Variants in HS6ST3 observed in about 807,000 individuals in gnomAD.
HS6ST3 encodes the protein heparan-sulfate 6-O-sulfotransferase 3.
In HS6ST3, 12 loss-of-function variants were observed where a neutral mutation model predicts 36.7. The observed-to-expected ratio is 0.33, with a 90% confidence interval of 0.21 to 0.53. The LOEUF is 0.53. HS6ST3 is among the 20% of genes least tolerant of loss of function. The pLI is 0.95. For synonymous variants in HS6ST3, 240 were observed against 257.5 expected, an observed-to-expected ratio of 0.93 and a Z score of 0.65; for missense variants, 584 against 640.9, an observed-to-expected ratio of 0.91 and a Z score of 0.96.
intron 1 of HS6ST3, among the ~76,000 whole-genome samples, chr13:96,302,901 C>G (rs985842768): frequency 3.3e-5 from 5 of 152,144 alleles, no homozygotes; most frequent in African/African-American, 4.8e-5. Flanking sequence ...TACCATGGCC[C>G]TTAGACCTCA....
chr13:96,375,836 T>G (rs770650122), intron 1 of HS6ST3, among the ~76,000 whole-genome samples: 2 of 152,224 alleles, frequency 1.3e-5, no homozygotes, highest in Non-Finnish European at 2.9e-5. Context: ...TTGCTGTTTG[T>G]GACACTAGCA....
intron 1 of HS6ST3, among the ~76,000 whole-genome samples, chr13:96,604,575 A>T (rs1297348138): frequency 6.6e-6 from 1 of 152,206 alleles, no homozygotes; most frequent in African/African-American, 2.4e-5. Flanking sequence ...ATCAATGATA[A>T]TATAACACTT....
chr13:96,789,071 C>T (rs775118794), intron 1 of HS6ST3, among the ~76,000 whole-genome samples: 10 of 151,314 alleles, frequency 6.6e-5, no homozygotes, highest in Non-Finnish European at 1.0e-4. Context: ...TTGCTTGTTC[C>T]GTTTGTTTTA....
intron 1 of HS6ST3, among the ~76,000 whole-genome samples, chr13:96,495,418 A>C (rs2055969978): frequency 6.6e-6 from 1 of 152,148 alleles, no homozygotes. Flanking sequence ...CCTTTCCTTC[A>C]TCATTACCCC....
At chr13:96,284,930 T>G (rs541452805) in intron 1 of HS6ST3, among the ~76,000 whole-genome samples, 2,573 of 132,210 alleles carry the variant, frequency 0.019, 73 homozygotes, top group African/African-American at 0.059. Flanking sequence ...TTTCTTTCTT[T>G]CTTTCTTTCT....
chr13:96,592,171 T>G (rs1038737326), intron 1 of HS6ST3, among the ~76,000 whole-genome samples: 2 of 152,170 alleles, frequency 1.3e-5, no homozygotes, highest in Non-Finnish European at 1.5e-5. Flanking sequence ...TTCTTTAATA[T>G]GTCTTTGACT....
chr13:96,702,257 T>C (rs1414653269), intron 1 of HS6ST3, among the ~76,000 whole-genome samples: 2 of 152,180 alleles, frequency 1.3e-5, no homozygotes, highest in African/African-American at 4.8e-5. Context: ...TCAAAAGCTT[T>C]CTGCAGCCCT....
At chr13:96,734,466 G>C (rs1398383665) in intron 1 of HS6ST3, among the ~76,000 whole-genome samples, 1 of 152,172 alleles carries the variant, frequency 6.6e-6, no homozygotes, top group Non-Finnish European at 1.5e-5. Context: ...AGTTCTTATA[G>C]ATTAAAGTAA....
At chr13:96,536,209 G>C (rs1372510187) in intron 1 of HS6ST3, among the ~76,000 whole-genome samples, 1 of 152,170 alleles carries the variant, frequency 6.6e-6, no homozygotes, top group Non-Finnish European at 1.5e-5. Flanking sequence ...TATAAAAATT[G>C]TTAAAGCCTT....
chr13:96,246,168 A>G (rs1435989215), intron 1 of HS6ST3, among the ~76,000 whole-genome samples: 3 of 152,170 alleles, frequency 2.0e-5, no homozygotes, highest in African/African-American at 4.8e-5. Context: ...GAGGAGAGCC[A>G]TATCTGTAAA....
intron 1 of HS6ST3, among the ~76,000 whole-genome samples, chr13:96,414,489 C>T (rs1407261672): frequency 6.6e-6 from 1 of 151,880 alleles, no homozygotes; most frequent in Non-Finnish European, 1.5e-5. Flanking sequence ...TTCTTTCTTT[C>T]TTTTTTTTGT....
chr13:96,713,699 A>AT (rs1038151453), intron 1 of HS6ST3, among the ~76,000 whole-genome samples: 50 of 151,122 alleles, frequency 3.3e-4, no homozygotes, highest in Middle Eastern at 3.4e-3. Context: ...TTACTAAAGC[A>AT]TTTTTTTTTC....
intron 1 of HS6ST3, among the ~76,000 whole-genome samples, chr13:96,361,615 T>G (rs1594762698): frequency 6.6e-6 from 1 of 152,170 alleles, no homozygotes; most frequent in East Asian, 1.9e-4. Flanking sequence ...TTGCTTATTT[T>G]GGGATTAGAT....
chr13:96,481,251 A>G (rs555201774), intron 1 of HS6ST3, among the ~76,000 whole-genome samples: 48 of 152,316 alleles, frequency 3.2e-4, no homozygotes, highest in African/African-American at 1.1e-3. Context: ...GGCTGTTGAG[A>G]AAAACGTGTG....
chr13:96,241,635 T>C lies in HS6ST3; in HGVS notation c.707+150066T>C, dbSNP rs554145208. Among the ~76,000 whole-genome samples the C allele has an allele frequency of 7.2e-4, 109 of 151,792 alleles. 2 individuals are homozygous for C. Among genetic ancestry groups the C allele is most frequent in the African/African-American group, 2.5e-3 (105 of 41,500 alleles). On this transcript the variant is annotated intron_variant, in intron 1 of 1. Transcript: ENST00000376705. ...TAAAAATTAAATTTACCAACTTTTT[T>C]TTTTTTTTGCAGAGATGTGTGATAA...
At chr13:96,195,202 C>A (rs1594711787) in intron 1 of HS6ST3, among the ~76,000 whole-genome samples, 1 of 151,880 alleles carries the variant, frequency 6.6e-6, no homozygotes, top group African/African-American at 2.4e-5. Context: ...ATTAACAGAC[C>A]CACATAGGAA....
intron 1 of HS6ST3, among the ~76,000 whole-genome samples, chr13:96,125,192 A>G (rs1347863724): frequency 6.6e-6 from 1 of 152,210 alleles, no homozygotes; most frequent in African/African-American, 2.4e-5. Flanking sequence ...AAAGATAAAG[A>G]GTGAGATATA....
intron 1 of HS6ST3, among the ~76,000 whole-genome samples, chr13:96,284,633 A>G (rs1272121452): frequency 2.6e-5 from 4 of 152,180 alleles, no homozygotes; most frequent in African/African-American, 9.6e-5. Flanking sequence ...AACACCTCAC[A>G]GACACACCCA....
chr13:96,578,924 C>T (rs1336160698), intron 1 of HS6ST3, among the ~76,000 whole-genome samples: 2 of 152,168 alleles, frequency 1.3e-5, no homozygotes, highest in African/African-American at 2.4e-5. Flanking sequence ...TGGCTTGTCT[C>T]ATAATAACCC....
Sources: allele counts gnomAD v4.1 joint callset (sites outside exome capture counted in the v4.1 genomes callset), GRCh38; gene constraint gnomAD v4.1.1; transcripts MANE v1.5; gene names NCBI Gene and HGNC (gene_info 2026-07-23, HGNC 2026-07-21).